Variants in BCAS3 observed in about 807,000 individuals in gnomAD.
The protein encoded by BCAS3 is BCAS4/BCAS3 fusion.
In BCAS3, 53 loss-of-function variants were observed where a neutral mutation model predicts 116.1. The ratio of observed to expected loss-of-function variants is 0.46; its 90% CI spans 0.37 to 0.57. BCAS3 has a LOEUF of 0.57. Ranked by LOEUF, BCAS3 falls within the 20% of genes least tolerant of loss-of-function variation. The pLI is 0.00. For missense variants in BCAS3, 917 were observed against 1,165.4 expected, an observed-to-expected ratio of 0.79 and a Z score of 3.10; for synonymous variants, 391 against 408.2, an observed-to-expected ratio of 0.96 and a Z score of 0.51.
intron 22 of BCAS3, among the ~76,000 whole-genome samples, chr17:61,209,150 A>AAG (rs1568579297): frequency 6.7e-6 from 1 of 149,444 alleles, no homozygotes; most frequent in Non-Finnish European, 1.5e-5. Flanking sequence ...AGAAGAAGAA[A>AAG]AAAAAAAGGC....
In BCAS3 at chr17:61,088,811, A is replaced by T. The variant is rs139953321; in HGVS notation, c.2425+4247A>T. Among the ~76,000 whole-genome samples, 16 of 152,362 alleles carry T rather than the reference A, an allele frequency of 1.1e-4. No homozygotes were observed. In the Middle Eastern group the frequency reaches 0.01, roughly 97 times the overall value. Reference sequence around the variant, plus strand: ...AAAGACAAACTTATGCGTGACTCATATGCAGAGCAGACATCTTTATCAAAC... The same window carrying T: ...AAAGACAAACTTATGCGTGACTCATTTGCAGAGCAGACATCTTTATCAAAC... On this transcript the variant is annotated intron_variant, in intron 22 of 23. Transcript: ENST00000407086. The surrounding 1 kb of genome is among the most constrained non-coding windows in gnomAD (Gnocchi z 4.2).
In BCAS3 at chr17:61,337,112, C is replaced by CAAAAA. The variant is rs71150606; in HGVS notation, c.2426-31210_2426-31206dup. Among the ~76,000 whole-genome samples the CAAAAA allele has an allele frequency of 3.3e-5, 5 of 150,098 alleles. No homozygotes were observed. Among genetic ancestry groups the CAAAAA allele is most frequent in the African/African-American group, 1.2e-4 (5 of 40,872 alleles). Reference sequence around the variant, plus strand: ...TGGGTGACAGAGCAAGACTCCATCTCAAAAAAAAACAACAACAAACTTTAT... The same window carrying CAAAAA: ...TGGGTGACAGAGCAAGACTCCATCTCAAAAAAAAAAAAAACAACAACAAACTTTAT... On this transcript the variant is annotated intron_variant, in intron 22 of 23. Transcript: ENST00000407086. The surrounding 1 kb of genome is among the most constrained non-coding windows in gnomAD (Gnocchi z 4.8).
At chr17:61,039,778 A>C (rs1217067677) in intron 18 of BCAS3, among the ~76,000 whole-genome samples, 1 of 152,026 alleles carries the variant, frequency 6.6e-6, no homozygotes, top group African/African-American at 2.4e-5. Flanking sequence ...CTCTGTTTGA[A>C]CTTATTTCCC....
At chr17:61,149,706 C>G (rs1019728029) in intron 22 of BCAS3, among the ~76,000 whole-genome samples, 2 of 152,160 alleles carry the variant, frequency 1.3e-5, no homozygotes, top group African/African-American at 4.8e-5. Flanking sequence ...TAAAACCCCA[C>G]TTTGTGAAGG....
rs756518463 is a variant in BCAS3 at position 61,333,586 on chromosome 17, C to T, written c.2426-34741C>T. On this transcript the variant is annotated intron_variant, in intron 22 of 23. Transcript: ENST00000407086. This position sits in a 1 kb window ranked among gnomAD's most constrained non-coding sequence, Gnocchi z 4.8. Reference sequence around the variant, plus strand: ...CCCTTTCTTGCCCACTAAACTAGCACTAGAGCTTTATCAAGTTCTTGAAAC... The same window carrying T: ...CCCTTTCTTGCCCACTAAACTAGCATTAGAGCTTTATCAAGTTCTTGAAAC... Among the ~76,000 whole-genome samples the T allele has an allele frequency of 6.6e-6, 1 of 151,994 alleles. No individual in the cohort carries two copies. The highest frequency in any genetic ancestry group is 1.5e-5 in the Non-Finnish European group (1 of 67,990).
chr17:60,998,624 A>C (rs191689938), intron 15 of BCAS3, among the ~76,000 whole-genome samples: 5 of 152,254 alleles, frequency 3.3e-5, no homozygotes, highest in African/African-American at 1.2e-4. Context: ...TGGCCATTGT[A>C]TGTCTTCTTT....
At chr17:60,828,412 T>C (rs1568336726) in intron 7 of BCAS3, among the ~76,000 whole-genome samples, 1 of 152,236 alleles carries the variant, frequency 6.6e-6, no homozygotes, top group African/African-American at 2.4e-5. Flanking sequence ...GGAAATCTTT[T>C]GTTGATACAG....
At chr17:60,882,958 G>GT (rs1321817119) in intron 9 of BCAS3, among the ~76,000 whole-genome samples, 12 of 117,476 alleles carry the variant, frequency 1.0e-4, no homozygotes, top group Non-Finnish European at 1.9e-4. Context: ...CTTTAAAGTA[G>GT]TTTTTTCCAA....
At chr17:60,869,289 G>T (rs539966264) in intron 8 of BCAS3, among the ~76,000 whole-genome samples, 1 of 152,284 alleles carries the variant, frequency 6.6e-6, no homozygotes, top group African/African-American at 2.4e-5. Context: ...GAGGAGAAAG[G>T]AACCTTAGGA....
Position 61,056,551 on chromosome 17 carries a change from T to C in BCAS3, c.2029+15659T>C, listed in dbSNP as rs1395106247. On this transcript the variant is annotated intron_variant, in intron 19 of 23. Transcript: ENST00000407086. This position sits in a 1 kb window ranked among gnomAD's most constrained non-coding sequence, Gnocchi z 4.9. The stretch of plus-strand genomic sequence containing the variant: ...TATAGATATTTTTTAAAGTTTAAGA[T>C]GCAGGCTTTGTATTAACAAAGCCCT... Among the ~76,000 whole-genome samples, 4 of 152,104 alleles carry C rather than the reference T, an allele frequency of 2.6e-5. No homozygotes were observed. The highest frequency in any genetic ancestry group is 5.9e-5 in the Non-Finnish European group (4 of 68,016).
At chr17:60,800,442 T>C (rs28866273) in intron 6 of BCAS3, among the ~76,000 whole-genome samples, 34,809 of 152,100 alleles carry the variant, frequency 0.23, 7,243 homozygotes, top group African/African-American at 0.56. Context: ...CTAATTGGAT[T>C]GTTGTTTTAC....
intron 3 of BCAS3, among the ~76,000 whole-genome samples, chr17:60,684,598 C>G (rs2033749094): frequency 6.6e-6 from 1 of 151,926 alleles, no homozygotes; most frequent in Non-Finnish European, 1.5e-5. Flanking sequence ...ATAATTATCA[C>G]TTGGCATACT....
intron 7 of BCAS3, among the ~76,000 whole-genome samples, chr17:60,862,459 G>C (rs1001970471): frequency 2.0e-5 from 3 of 152,042 alleles, no homozygotes; most frequent in Admixed American, 2.0e-4. Context: ...TCATTGGTAG[G>C]TTTTAAAAAA....
chr17:61,237,675 A>G (rs2083173661), intron 22 of BCAS3, among the ~76,000 whole-genome samples: 2 of 152,216 alleles, frequency 1.3e-5, no homozygotes, highest in African/African-American at 4.8e-5. Context: ...TGAATACTCA[A>G]AATAATTCTG....
intron 22 of BCAS3, among the ~76,000 whole-genome samples, chr17:61,305,134 C>G (rs1034491574): frequency 6.6e-6 from 1 of 152,064 alleles, no homozygotes; most frequent in Non-Finnish European, 1.5e-5. Context: ...GGAGGATTAC[C>G]ATTTGTATAG....
chr17:60,915,900 G>A (rs2058755214), intron 12 of BCAS3, among the ~76,000 whole-genome samples: 1 of 151,900 alleles, frequency 6.6e-6, no homozygotes. Flanking sequence ...AGCCAGGATG[G>A]TCTCAATCTC....
chr17:60,697,277 T>C (rs1303545021), intron 4 of BCAS3, among the ~76,000 whole-genome samples: 2 of 142,706 alleles, frequency 1.4e-5, no homozygotes, highest in African/African-American at 5.2e-5. Flanking sequence ...AGATTCAGTT[T>C]TGGCTGGGCG....
At chr17:60,722,710 G>T (rs1253836605) in intron 5 of BCAS3, among the ~76,000 whole-genome samples, 1 of 150,070 alleles carries the variant, frequency 6.7e-6, no homozygotes, top group Non-Finnish European at 1.5e-5. Context: ...GCAGTGAGCC[G>T]AGATTGCGCC....
intron 6 of BCAS3, among the ~76,000 whole-genome samples, chr17:60,805,645 C>T (rs923716136): frequency 4.0e-5 from 6 of 151,866 alleles, no homozygotes; most frequent in Non-Finnish European, 7.4e-5. Flanking sequence ...CTGGGCAACA[C>T]GGTGAAACCC....
Sources: gnomAD v4.1 joint callset for allele counts (sites outside exome capture counted in the v4.1 genomes callset) on GRCh38, gnomAD v4.1.1 for gene constraint, Gnocchi (gnomAD v3.1) non-coding constraint, MANE v1.5 for transcripts, NCBI Gene and HGNC (gene_info 2026-07-23, HGNC 2026-07-21) for gene names.